Variants in ADGRB1 observed in about 807,000 individuals in gnomAD.
ADGRB1 encodes the protein brain-specific angiogenesis inhibitor 1.
ADGRB1 carries 36 observed loss-of-function variants against 175.7 expected under a neutral mutation model. That is an observed-to-expected ratio of 0.20 (90% CI 0.16 to 0.27). The LOEUF (loss-of-function observed/expected upper bound fraction) is 0.27, where lower values mean the gene tolerates loss of function less well. ADGRB1 is among the 10% of genes least tolerant of loss of function. The pLI is 1.00. For synonymous variants in ADGRB1, 1,054 were observed against 979.4 expected, an observed-to-expected ratio of 1.08 and a Z score of -1.42; for missense variants, 1,731 against 2,255.3, an observed-to-expected ratio of 0.77 and a Z score of 4.71.
rs1421348764 is a variant in ADGRB1 at position 142,525,196 on chromosome 8, G to A, written c.3312+892G>A. The stretch of plus-strand genomic sequence containing the variant: ...CTGGGGGTTGGAGGGGCAGTGGGGC[G>A]CCATCCTTGGGCAGCCCCAGACCCC... On this transcript the variant is annotated intron_variant, in intron 23 of 30. Coordinates refer to ENST00000517894, the MANE Select transcript of ADGRB1 (RefSeq NM_001702.3). Among the ~76,000 whole-genome samples, 12 of 151,936 alleles carry A rather than the reference G, an allele frequency of 7.9e-5. No individual in the cohort carries two copies. The South Asian group carries it at 8.3e-4, about 10-fold the overall frequency.
At chr8:142,498,555 C>G (rs1046979532) in intron 17 of ADGRB1, among the ~76,000 whole-genome samples, 1 of 152,062 alleles carries the variant, frequency 6.6e-6, no homozygotes, top group African/African-American at 2.4e-5. Context: ...TCTGGCCACA[C>G]TGGCTGTGCG....
chr8:142,539,815 G>A (rs1222809554), intron 27 of ADGRB1: 8 of 275,352 alleles, frequency 2.9e-5, no homozygotes, highest in Non-Finnish European at 4.2e-5. Context: ...CCGCCCTCTA[G>A]CACCTGTGTT....
intron 17 of ADGRB1, among the ~76,000 whole-genome samples, chr8:142,509,491 G>A (rs1329948590): frequency 6.6e-6 from 1 of 152,166 alleles, no homozygotes; most frequent in Non-Finnish European, 1.5e-5. Context: ...AGGCTGGAGA[G>A]AGCGCCAGCC....
intron 17 of ADGRB1, among the ~76,000 whole-genome samples, chr8:142,499,618 T>C (rs1842393532): frequency 6.6e-6 from 1 of 150,674 alleles, no homozygotes; most frequent in Non-Finnish European, 1.5e-5. Context: ...GCCTGCGAGG[T>C]GTCTGTGAGA....
intron 1 of ADGRB1, among the ~76,000 whole-genome samples, chr8:142,459,020 A>G (rs139507225): frequency 8.1e-4 from 124 of 152,278 alleles, no homozygotes; most frequent in African/African-American, 2.9e-3. Flanking sequence ...CAGCGCCCAC[A>G]CTGGTCCCCC....
At chr8:142,472,563 C>A (rs937053883) in intron 2 of ADGRB1, among the ~76,000 whole-genome samples, 1 of 152,214 alleles carries the variant, frequency 6.6e-6, no homozygotes, top group African/African-American at 2.4e-5. Flanking sequence ...GGGCTCCATC[C>A]TGGCATTGAT....
chr8:142,542,470 A>G lies in ADGRB1; in HGVS notation c.4236A>G (p.Pro1412=), dbSNP rs1483810147. 13 of 494,016 alleles carry G rather than the reference A, an allele frequency of 2.6e-5. No homozygotes were observed. The highest frequency in any genetic ancestry group is 3.2e-5 in the Non-Finnish European group (13 of 401,486). 30.6% of individuals were successfully genotyped at this position (494,016 alleles called of 1,614,324 possible). A position where few individuals can be genotyped will look rare whatever the true frequency, so the allele number is the denominator to read the frequency against. Residue 1412 remains proline, a synonymous_variant, in exon 28 of 31, where the codon CCA becomes CCG. Transcript: ENST00000517894. This position sits in a 1 kb window ranked among gnomAD's most constrained non-coding sequence, Gnocchi z 6.3. ...CCGAGGCACCCCCTGCCCAGCCCCC[A>G]CCGCCTCCGCCCCCACCGCCACCAC... ...GPPEAPPAQP[P]PPPPPPPPPP...
chr8:142,497,756 G>A (rs1216859239), intron 17 of ADGRB1, among the ~76,000 whole-genome samples: 2 of 152,242 alleles, frequency 1.3e-5, no homozygotes, highest in Non-Finnish European at 2.9e-5. Flanking sequence ...TGTCCTCTTG[G>A]TTGGTCCTTG....
rs1587289705 is a variant in ADGRB1 at position 142,476,641 on chromosome 8, C to T, written c.1003C>T (p.Arg335Cys). The change falls in exon 4 of 31, where the codon CGC (arginine) becomes TGC (cysteine). Residue 335 changes from arginine to cysteine, a missense_variant. Physicochemically the swap from Arg to Cys is radical, Grantham distance 180. Around this residue, in one of 8 missense-constraint regions of ADGRB1, gnomAD observed 178 missense variants for 227.8 expected, o/e 0.78. Transcript: ENST00000517894. ...CCTGCGGTCCACAGATGCCCGGCGGCGCGAGGAGCTGGGGGACGAGCTGCA... is the reference window on the plus strand; with the variant it reads ...CCTGCGGTCCACAGATGCCCGGCGGTGCGAGGAGCTGGGGGACGAGCTGCA... ...QSLRSTDARR[R>C]EELGDELQQF... 1.9e-6 allele frequency: 3 copies of T among 1,548,480 alleles called. No individual in the cohort carries two copies. The highest frequency in any genetic ancestry group is 2.6e-6 in the Non-Finnish European group (3 of 1,146,232).
chr8:142,481,460 G>A, intron 10 of ADGRB1, 57 bp from the exon 11 acceptor site: 1 of 1,580,350 alleles, frequency 6.3e-7, no homozygotes, highest in Non-Finnish European at 8.6e-7. Flanking sequence ...GATCCTGGGT[G>A]GCTGCCTGGA....
At chr8:142,490,744 G>C (rs1841942381) in intron 16 of ADGRB1, 28 bp from the exon 17 acceptor site, 1 of 1,564,230 alleles carries the variant, frequency 6.4e-7, no homozygotes, top group African/African-American at 1.4e-5. Flanking sequence ...GCTGCCAGGG[G>C]CCCTGACTCC....
At chr8:142,463,238 G>A (rs1430121121) in intron 1 of ADGRB1, among the ~76,000 whole-genome samples, 8 of 152,168 alleles carry the variant, frequency 5.3e-5, no homozygotes, top group African/African-American at 1.4e-4. Flanking sequence ...GAGGGCACAC[G>A]TGGGAGGGCC....
chr8:142,522,824 C>G, intron 22 of ADGRB1, 114 bp downstream of exon 22: 2 of 1,201,572 alleles, frequency 1.7e-6, no homozygotes, highest in Non-Finnish European at 2.2e-6. Context: ...CTGATCATCT[C>G]ACAGAGGCTC....
intron 9 of ADGRB1, among the ~76,000 whole-genome samples, chr8:142,480,373 T>C (rs1440954863): frequency 6.6e-6 from 1 of 152,136 alleles, no homozygotes; most frequent in Non-Finnish European, 1.5e-5. Context: ...AGTGTTCTCA[T>C]CTGTAGGATG....
Position 142,468,625 on chromosome 8 carries a change from A to G in ADGRB1, c.784+3643A>G, listed in dbSNP as rs768821109. On this transcript the variant is annotated intron_variant, in intron 2 of 30. Transcript: ENST00000517894. ...ACGGGAGATAGGCTCCTGTGGAGGCACGCTCTGCCTCAGGGCCTTCACACA... is the reference window on the plus strand; with the variant it reads ...ACGGGAGATAGGCTCCTGTGGAGGCGCGCTCTGCCTCAGGGCCTTCACACA... Among the ~76,000 whole-genome samples the G allele has an allele frequency of 8.5e-5, 13 of 152,210 alleles. 1 individual carries two copies. Among genetic ancestry groups the G allele is most frequent in the Non-Finnish European group, 1.8e-4 (12 of 68,036 alleles).
At chr8:142,479,931 G>T (rs969110590) in intron 9 of ADGRB1, 137 bp downstream of exon 9, 2 of 932,186 alleles carry the variant, frequency 2.1e-6, no homozygotes, top group African/African-American at 1.7e-5. Flanking sequence ...GCGCGGGGTG[G>T]TGGGGCCGCG....
intron 17 of ADGRB1, 49 bp downstream of exon 17, chr8:142,490,864 T>C: frequency 6.5e-7 from 1 of 1,549,180 alleles, no homozygotes; most frequent in Non-Finnish European, 8.7e-7. Flanking sequence ...GTGGGGTTCG[T>C]GGGAGGCTGG....
chr8:142,482,270 G>T (rs1467752637), intron 11 of ADGRB1, among the ~76,000 whole-genome samples: 1 of 138,908 alleles, frequency 7.2e-6, no homozygotes, highest in Non-Finnish European at 1.5e-5. Flanking sequence ...CCTTGATCCT[G>T]ATCACACACT....
At chr8:142,526,276 C>T (rs1296631314) in intron 23 of ADGRB1, among the ~76,000 whole-genome samples, 1 of 152,114 alleles carries the variant, frequency 6.6e-6, no homozygotes, top group African/African-American at 2.4e-5. Context: ...GTGGGGAGCT[C>T]GCTGGTGGAA....
Sources: allele counts gnomAD v4.1 joint callset (sites outside exome capture counted in the v4.1 genomes callset), GRCh38; gene constraint gnomAD v4.1.1; regional missense constraint gnomAD v4.1.1; non-coding constraint Gnocchi (gnomAD v3.1); transcripts MANE v1.5; gene names NCBI Gene and HGNC (gene_info 2026-07-23, HGNC 2026-07-21).